PCCA: variants seen among roughly 807,000 people sequenced by gnomAD.
PCCA encodes propionyl-CoA carboxylase subunit alpha, also known as propionyl-CoA carboxylase alpha chain, mitochondrial.
In PCCA, 74 loss-of-function variants were observed where a neutral mutation model predicts 101.3. The ratio of observed to expected loss-of-function variants is 0.73; its 90% CI spans 0.61 to 0.89. The LOEUF is 0.89. Among genes scored for constraint, PCCA ranks in the 40% least tolerant of loss-of-function variants. The pLI is 0.00. For missense variants in PCCA, 891 were observed against 907.0 expected, an observed-to-expected ratio of 0.98 and a Z score of 0.23; for synonymous variants, 294 against 313.6, an observed-to-expected ratio of 0.94 and a Z score of 0.66.
chr13:100,111,203 T>TC (rs2048281929), intron 2 of PCCA, among the ~76,000 whole-genome samples: 1 of 146,768 alleles, frequency 6.8e-6, no homozygotes, highest in Non-Finnish European at 1.5e-5. Context: ...TTTTTTTTTT[T>TC]TGTATTTTTA....
intron 8 of PCCA, among the ~76,000 whole-genome samples, chr13:100,242,062 T>C (rs1336033084): frequency 6.6e-6 from 1 of 152,178 alleles, no homozygotes. Context: ...TTCTTTCTTT[T>C]ATAAGGAAAA....
intron 6 of PCCA, among the ~76,000 whole-genome samples, chr13:100,163,991 A>G (rs370891421): frequency 2.3e-5 from 2 of 85,392 alleles, no homozygotes; most frequent in Admixed American, 2.5e-4. Context: ...TTTTGCGATC[A>G]TATAGTCCAT....
chr13:100,434,803 A>T (rs1007015986), intron 20 of PCCA, among the ~76,000 whole-genome samples: 2 of 152,238 alleles, frequency 1.3e-5, no homozygotes, highest in African/African-American at 4.8e-5. Context: ...AAGAATTCGC[A>T]TGAATAAGTG....
intron 19 of PCCA, among the ~76,000 whole-genome samples, chr13:100,391,983 CTT>C (rs1004848132): frequency 6.6e-6 from 1 of 152,134 alleles, no homozygotes; most frequent in Non-Finnish European, 1.5e-5. Flanking sequence ...CTTTTGGTCT[CTT>C]AAGTGACCCC....
chr13:100,484,171 A>T (rs2084177404), intron 21 of PCCA, among the ~76,000 whole-genome samples: 1 of 152,138 alleles, frequency 6.6e-6, no homozygotes, highest in Non-Finnish European at 1.5e-5. Context: ...TCTCCGGCTC[A>T]GTATGACTAT....
In PCCA at chr13:100,524,295, T is replaced by A. The variant is rs141461948; in HGVS notation, c.2041-3380T>A. Among the ~76,000 whole-genome samples the A allele has an allele frequency of 4.6e-5, 7 of 152,254 alleles. No individual in the cohort carries two copies. In the East Asian group the frequency reaches 9.7e-4, roughly 21 times the overall value. Reference sequence around the variant, plus strand: ...TGTAGTTTGTGTTTCCATTGCATTCTTTGACATTTGGTTTGTACATTTGGT... The same window carrying A: ...TGTAGTTTGTGTTTCCATTGCATTCATTGACATTTGGTTTGTACATTTGGT... On this transcript the variant is annotated intron_variant, in intron 22 of 23. Transcript: ENST00000376285.
At chr13:100,508,156 TAC>T (rs1332425258) in intron 21 of PCCA, among the ~76,000 whole-genome samples, 1 of 152,202 alleles carries the variant, frequency 6.6e-6, no homozygotes, top group South Asian at 2.1e-4. Flanking sequence ...AAGCCCGAGA[TAC>T]ACACAGTCTT....
At chr13:100,125,700 CCTTTT>C (rs1313539498) in intron 4 of PCCA, among the ~76,000 whole-genome samples, 1 of 152,092 alleles carries the variant, frequency 6.6e-6, no homozygotes, top group Non-Finnish European at 1.5e-5. Context: ...CATTTCTTTT[CCTTTT>C]CTTTTTTTCT....
At chr13:100,425,888 G>A (rs2079109527) in intron 20 of PCCA, among the ~76,000 whole-genome samples, 157 bp downstream of exon 20, 1 of 152,266 alleles carries the variant, frequency 6.6e-6, no homozygotes, top group Admixed American at 6.5e-5. Flanking sequence ...TTATTTTAGA[G>A]GATCTTAAGT....
intron 12 of PCCA, among the ~76,000 whole-genome samples, chr13:100,296,841 G>C (rs568259922): frequency 6.6e-6 from 1 of 152,124 alleles, no homozygotes; most frequent in Non-Finnish European, 1.5e-5. Context: ...TTCCAATTTA[G>C]GGACTATATT....
intron 6 of PCCA, among the ~76,000 whole-genome samples, chr13:100,201,222 A>G (rs574580432): frequency 7.8e-4 from 118 of 152,220 alleles, no homozygotes; most frequent in African/African-American, 2.8e-3. Context: ...GCTTTCATTT[A>G]GTTTTAGCTC....
chr13:100,512,080 C>T (rs937976963), intron 21 of PCCA, among the ~76,000 whole-genome samples: 4 of 152,104 alleles, frequency 2.6e-5, no homozygotes, highest in African/African-American at 4.8e-5. Context: ...TGTGACTAGC[C>T]GCCGCCTCCT....
chr13:100,154,864 A>G lies in PCCA; in HGVS notation c.301-115A>G, dbSNP rs2053708224. ...TTTTAGTGCATACTCAAAAAGAAAT[A>G]CGACTCTATAAATGATAGGCAGAAC... On this transcript the variant is annotated intron_variant, in intron 4 of 23. Coordinates refer to ENST00000376285, the MANE Select transcript of PCCA (RefSeq NM_000282.4). The G allele has an allele frequency of 3.9e-6, 3 of 774,806 alleles. 1 individual carries two copies. The South Asian group carries it at 4.2e-5, about 11-fold the overall frequency. The allele number at this position is 774,806 out of a possible 1,614,324, so 48.0% of individuals were successfully genotyped here.
chr13:100,473,790 A>G (rs1205911399), intron 21 of PCCA, among the ~76,000 whole-genome samples: 2 of 152,356 alleles, frequency 1.3e-5, no homozygotes, highest in East Asian at 3.9e-4. Flanking sequence ...TATTATCATC[A>G]TTGTCTATCT....
intron 20 of PCCA, among the ~76,000 whole-genome samples, chr13:100,446,302 T>G (rs1368695778): frequency 1.3e-5 from 2 of 152,144 alleles, no homozygotes; most frequent in Non-Finnish European, 2.9e-5. Context: ...AGTGCTGGGA[T>G]TACAGGCATG....
intron 20 of PCCA, among the ~76,000 whole-genome samples, chr13:100,448,444 A>C (rs995766829): frequency 2.4e-4 from 37 of 151,892 alleles, no homozygotes; most frequent in Non-Finnish European, 1.6e-4. Context: ...GCCTGCCTCA[A>C]CCTCCCAGAG....
chr13:100,418,225 C>T (rs1198804369), intron 19 of PCCA, among the ~76,000 whole-genome samples: 2 of 152,218 alleles, frequency 1.3e-5, no homozygotes, highest in Middle Eastern at 3.2e-3. Flanking sequence ...CTGCCTCCAC[C>T]TTCCCTATGC....
chr13:100,470,717 G>A (rs2082940952), intron 21 of PCCA, among the ~76,000 whole-genome samples: 1 of 152,152 alleles, frequency 6.6e-6, no homozygotes, highest in Non-Finnish European at 1.5e-5. Context: ...AGCTGGGCAT[G>A]GTGGCTTACG....
At chr13:100,280,177 T>A (rs567480759) in intron 12 of PCCA, among the ~76,000 whole-genome samples, 4 of 152,310 alleles carry the variant, frequency 2.6e-5, no homozygotes, top group Admixed American at 1.3e-4. Context: ...TTGTTCTCAA[T>A]CTGGTCACAG....
Sources: gnomAD v4.1 joint callset for allele counts (sites outside exome capture counted in the v4.1 genomes callset) on GRCh38, gnomAD v4.1.1 for gene constraint, MANE v1.5 for transcripts, NCBI Gene and HGNC (gene_info 2026-07-23, HGNC 2026-07-21) for gene names.